DSCAM: variants seen among roughly 807,000 people sequenced by gnomAD.
DSCAM encodes cell adhesion molecule DSCAM.
In DSCAM, 47 loss-of-function variants were observed where a neutral mutation model predicts 217.7. That is an observed-to-expected ratio of 0.22 (90% CI 0.17 to 0.28). The LOEUF is 0.28. Among genes scored for constraint, DSCAM ranks in the 10% least tolerant of loss-of-function variants. The probability of loss-of-function intolerance (pLI) is 1.00; values close to 1 mark genes in which losing one functional copy is unlikely to be tolerated. For missense variants in DSCAM, 2,080 were observed against 2,618.3 expected, an observed-to-expected ratio of 0.79 and a Z score of 4.49; for synonymous variants, 1,056 against 1,015.3, an observed-to-expected ratio of 1.04 and a Z score of -0.76.
intron 16 of DSCAM, among the ~76,000 whole-genome samples, chr21:40,157,717 G>GAA (rs1568973094): frequency 1.6e-5 from 1 of 63,520 alleles, no homozygotes; most frequent in Non-Finnish European, 3.8e-5. Context: ...TTTTTCCTGA[G>GAA]ACAGTCTCGC....
chr21:40,456,647 C>A (rs563403735), intron 3 of DSCAM, among the ~76,000 whole-genome samples: 8 of 151,420 alleles, frequency 5.3e-5, no homozygotes, highest in African/African-American at 1.9e-4. Context: ...TTGTGAAGTG[C>A]AATACACTTC....
At chr21:40,701,293 C>T (rs936080595) in intron 2 of DSCAM, among the ~76,000 whole-genome samples, 2 of 151,918 alleles carry the variant, frequency 1.3e-5, no homozygotes, top group East Asian at 3.9e-4. Flanking sequence ...ACGTTATCTC[C>T]CTCATTCTTG....
intron 26 of DSCAM, among the ~76,000 whole-genome samples, chr21:40,076,865 A>G (rs1297225771): frequency 6.6e-6 from 1 of 152,266 alleles, no homozygotes; most frequent in African/African-American, 2.4e-5. Flanking sequence ...AAAGATACTT[A>G]CTACTCAAAT....
intron 11 of DSCAM, among the ~76,000 whole-genome samples, chr21:40,221,282 TACAATCAG>T (rs945199722): frequency 5.9e-5 from 9 of 151,952 alleles, no homozygotes; most frequent in African/African-American, 2.2e-4. Flanking sequence ...CAGAGGGCAT[TACAATCAG>T]ACACCTGATT....
rs544665800 is a variant in DSCAM, at chr21:40,380,208, T to C, written c.509-10963A>G. Among the ~76,000 whole-genome samples, 19 of 152,372 alleles carry C rather than the reference T, an allele frequency of 1.2e-4. No homozygotes were observed. In the South Asian group the frequency reaches 3.1e-3, roughly 25 times the overall value. On this transcript the variant is annotated intron_variant, in intron 3 of 32. Coordinates refer to ENST00000400454, the MANE Select transcript of DSCAM (RefSeq NM_001389.5). ...ATACCTAATTACCCTATTTAGTTTGTTAATGATCAGATCTTTGTGCAGATA... is the reference window on the plus strand; with the variant it reads ...ATACCTAATTACCCTATTTAGTTTGCTAATGATCAGATCTTTGTGCAGATA...
intron 32 of DSCAM, among the ~76,000 whole-genome samples, chr21:40,014,509 T>G (rs2088122037): frequency 6.6e-6 from 1 of 152,178 alleles, no homozygotes; most frequent in South Asian, 2.1e-4. Context: ...ATGACAAGCG[T>G]GACAGGGCTT....
In DSCAM at chr21:40,144,371, G is replaced by A; in HGVS notation, c.3259+120C>T. 2 of 1,468,072 alleles carry A rather than the reference G, an allele frequency of 1.4e-6. No homozygotes were observed. Among genetic ancestry groups the A allele is most frequent in the Admixed American group, 2.1e-5 (1 of 48,452 alleles). The allele number at this position is 1,468,072 out of a possible 1,614,324, so 90.9% of individuals were successfully genotyped here. On this transcript the variant is annotated intron_variant, in intron 17 of 32. Transcript: ENST00000400454. The surrounding 1 kb of genome is among the most constrained non-coding windows in gnomAD (Gnocchi z 4.8). The stretch of plus-strand genomic sequence containing the variant: ...AAGGCTTTTCCACCCGAGACCCCAG[G>A]CCCTGCAGGTCACTGCAAAGTCGTG...
In DSCAM at chr21:40,585,369, G is replaced by A. The variant is rs188230814; in HGVS notation, c.508+107441C>T. On this transcript the variant is annotated intron_variant, in intron 3 of 32. Coordinates refer to ENST00000400454, the MANE Select transcript of DSCAM (RefSeq NM_001389.5). ...CGGGAGGCGGAGCTTGCAGTGAGCC[G>A]AGATCCCGCCACTGCACTCCAGCCT... 5.7e-3 allele frequency among the ~76,000 whole-genome samples: 283 copies of A among 49,788 alleles called. 2 individuals carry two copies. The highest frequency in any genetic ancestry group is 7.3e-3 in the Non-Finnish European group (143 of 19,462). The allele number at this position is 49,788 out of a possible 152,430, so 32.7% of individuals were successfully genotyped here.
At chr21:40,455,421 T>A (rs1255935175) in intron 3 of DSCAM, among the ~76,000 whole-genome samples, 1 of 152,150 alleles carries the variant, frequency 6.6e-6, no homozygotes, top group Admixed American at 6.5e-5. Flanking sequence ...TGCCATATTG[T>A]AATCAACCCA....
At chr21:40,354,449 T>A (rs930133535) in intron 4 of DSCAM, among the ~76,000 whole-genome samples, 1 of 152,060 alleles carries the variant, frequency 6.6e-6, no homozygotes, top group Non-Finnish European at 1.5e-5. Context: ...CTCACCACAG[T>A]CTCAAACTCC....
intron 3 of DSCAM, among the ~76,000 whole-genome samples, chr21:40,438,943 C>A (rs939766747): frequency 6.6e-6 from 1 of 151,998 alleles, no homozygotes; most frequent in African/African-American, 2.4e-5. Flanking sequence ...CATAGAGTGG[C>A]ATGTTCTTAA....
In DSCAM at chr21:40,399,215, A is replaced by G. The variant is rs536947698; in HGVS notation, c.509-29970T>C. Among the ~76,000 whole-genome samples the G allele has an allele frequency of 3.0e-4, 46 of 152,296 alleles. No homozygotes were observed. The East Asian group carries it at 3.1e-3, about 10-fold the overall frequency. On this transcript the variant is annotated intron_variant, in intron 3 of 32. Coordinates refer to ENST00000400454, the MANE Select transcript of DSCAM (RefSeq NM_001389.5). Reference sequence around the variant, plus strand: ...AAACTGGGAGGTCAAGGCTGCAGAGAGCTATGACTGTGCCACTGCACTTCA... The same window carrying G: ...AAACTGGGAGGTCAAGGCTGCAGAGGGCTATGACTGTGCCACTGCACTTCA...
chr21:40,370,025 A>G (rs1156430935), intron 3 of DSCAM, among the ~76,000 whole-genome samples: 1 of 152,222 alleles, frequency 6.6e-6, no homozygotes, highest in Non-Finnish European at 1.5e-5. Flanking sequence ...TTTTACCGGT[A>G]AAGCTTCAGT....
chr21:40,688,310 T>G (rs529953100), intron 3 of DSCAM, among the ~76,000 whole-genome samples: 1 of 152,328 alleles, frequency 6.6e-6, no homozygotes, highest in Admixed American at 6.5e-5. Context: ...CTGGGCTCTC[T>G]TACTGCTGGC....
chr21:40,784,531 T>C (rs1161867124), intron 1 of DSCAM, among the ~76,000 whole-genome samples: 1 of 152,182 alleles, frequency 6.6e-6, no homozygotes, highest in African/African-American at 2.4e-5. Flanking sequence ...CAAGTCAACA[T>C]TTATTAGAAT....
intron 3 of DSCAM, among the ~76,000 whole-genome samples, chr21:40,611,045 A>C (rs1400532254): frequency 6.7e-6 from 1 of 149,344 alleles, no homozygotes; most frequent in Non-Finnish European, 1.5e-5. Context: ...AAACAGGTGA[A>C]ATTAGTTTTC....
At chr21:40,299,824 G>A (rs1464227700) in intron 9 of DSCAM, among the ~76,000 whole-genome samples, 2 of 152,078 alleles carry the variant, frequency 1.3e-5, no homozygotes, top group Admixed American at 6.5e-5. Flanking sequence ...TTTAAAAAGT[G>A]CAGATATTTT....
chr21:40,409,804 A>C (rs1288402670), intron 3 of DSCAM, among the ~76,000 whole-genome samples: 1 of 152,244 alleles, frequency 6.6e-6, no homozygotes, highest in Non-Finnish European at 1.5e-5. Flanking sequence ...TGTGCAAACA[A>C]GGCTTAAAGC....
At position 40,631,730 on chromosome 21, in the gene DSCAM, G is replaced by A. The variant is rs1249854140; in HGVS notation, c.508+61080C>T. On this transcript the variant is annotated intron_variant, in intron 3 of 32. Coordinates refer to ENST00000400454, the MANE Select transcript of DSCAM (RefSeq NM_001389.5). ...TCTCAGGACTGGGAGGGCCAAAGAA[G>A]TCATCCATTTTATCTCTGTCCCAAA... 2.0e-5 allele frequency among the ~76,000 whole-genome samples: 3 copies of A among 152,186 alleles called. No individual in the cohort carries two copies. In the East Asian group the frequency reaches 5.8e-4, roughly 29 times the overall value.
Sources: allele counts gnomAD v4.1 joint callset (sites outside exome capture counted in the v4.1 genomes callset), GRCh38; gene constraint gnomAD v4.1.1; non-coding constraint Gnocchi (gnomAD v3.1); transcripts MANE v1.5; gene names NCBI Gene and HGNC (gene_info 2026-07-23, HGNC 2026-07-21).